Variants in ZNF565 observed in about 807,000 individuals in gnomAD.
ZNF565 encodes zinc finger protein 565.
ZNF565 carries 27 observed loss-of-function variants against 39.4 expected under a neutral mutation model. The observed-to-expected ratio is 0.69, with a 90% CI of 0.51 to 0.95. The LOEUF is 0.95. Among genes scored for constraint, ZNF565 ranks in the 40% least tolerant of loss-of-function variants. The probability of loss-of-function intolerance (pLI) is 0.00; values close to 1 mark genes in which losing one functional copy is unlikely to be tolerated. For missense variants in ZNF565, 524 were observed against 621.1 expected (o/e 0.84, Z 1.66); for synonymous variants, 185 against 216.6 (o/e 0.85, Z 1.28).
chr19:36,218,160 T>G (rs1976692642), upstream of ZNF565: 1 of 150,440 alleles, frequency 6.6e-6, no homozygotes, highest in Admixed American at 6.7e-5. Context: ...CTGTGTTAAC[T>G]CCTTCCTCTG....
Position 36,241,130 on chromosome 19 carries a change from CTG to C in ZNF565, c.55+4344_55+4345del, listed in dbSNP as rs1341261707. ...ATACCAACACAAATCAATTGATACA[CTG>C]TGGGCAACTGATTTTCAACTAGAAT... On this transcript the variant is annotated intron_variant, in intron 1 of 4. Transcript: ENST00000355114. 2.0e-5 allele frequency among the ~76,000 whole-genome samples: 3 copies of C among 152,340 alleles called. No homozygotes were observed. In the East Asian group the frequency reaches 5.8e-4, roughly 29 times the overall value.
chr19:36,210,669 G>C (rs1428551674), intron 1 of ZNF565, among the ~76,000 whole-genome samples: 1 of 150,688 alleles, frequency 6.6e-6, no homozygotes, highest in Non-Finnish European at 1.5e-5. Flanking sequence ...TCATCACCCA[G>C]GCTGGAATGC....
chr19:36,216,388 C>G (rs547633097), upstream of ZNF565, among the ~76,000 whole-genome samples: 114 of 152,154 alleles, frequency 7.5e-4, no homozygotes, highest in African/African-American at 2.2e-3. Context: ...TGCCTGTAAT[C>G]CTAGCACTTT....
chr19:36,236,261 T>G (rs1977640894), intron 1 of ZNF565: 1 of 702,548 alleles, frequency 1.4e-6, no homozygotes, highest in Admixed American at 3.5e-5. Flanking sequence ...TTGAATATAC[T>G]GAGTATGATA....
intron 2 of ZNF565, among the ~76,000 whole-genome samples, chr19:36,199,629 C>T (rs1975884219): frequency 1.3e-5 from 2 of 151,298 alleles, no homozygotes; most frequent in East Asian, 3.9e-4. Flanking sequence ...GTCTGAGCCT[C>T]CTGAGTAGCT....
rs760892809 is a variant in ZNF565 at position 36,201,926 on chromosome 19, A to T, written c.9+51T>A. The T allele has an allele frequency of 4.4e-6, 7 of 1,604,676 alleles. No homozygotes were observed. The South Asian group carries it at 5.5e-5, about 13-fold the overall frequency. On this transcript the variant is annotated intron_variant, in intron 2 of 4. Transcript: ENST00000304116. ...AGGATAAAGAACACAGTGTCCATAT[A>T]ATCTGGCGGGAAGACAGATCATTCT...
chr19:36,227,068 A>C (rs749882805), intron 1 of ZNF565, among the ~76,000 whole-genome samples: 4 of 150,630 alleles, frequency 2.7e-5, no homozygotes, highest in Non-Finnish European at 4.4e-5. Context: ...GGGCAACAAG[A>C]GTAAAACTCC....
At chr19:36,192,279 T>C (rs1214810811) in intron 4 of ZNF565, among the ~76,000 whole-genome samples, 2 of 152,040 alleles carry the variant, frequency 1.3e-5, no homozygotes, top group Non-Finnish European at 1.5e-5. Context: ...TACCAAGTGA[T>C]CAAACTGAAC....
intron 1 of ZNF565, among the ~76,000 whole-genome samples, chr19:36,226,512 C>T (rs77259149): frequency 2.3e-3 from 347 of 152,308 alleles, no homozygotes; most frequent in African/African-American, 7.8e-3. Context: ...TACCCAATTT[C>T]ACCAATCATT....
intron 4 of ZNF565, among the ~76,000 whole-genome samples, chr19:36,184,102 AAC>A (rs1477685618): frequency 4.0e-5 from 6 of 149,666 alleles, no homozygotes; most frequent in African/African-American, 1.5e-4. Context: ...AAAAAAAAAA[AAC>A]TATAGTAGAA....
chr19:36,193,025 T>C (rs2145319072), intron 4 of ZNF565, among the ~76,000 whole-genome samples: 1 of 151,954 alleles, frequency 6.6e-6, no homozygotes, highest in African/African-American at 2.4e-5. Context: ...AGATGGAGTC[T>C]CGCTCTGTCG....
chr19:36,197,576 CATA>C (rs1463388497), intron 2 of ZNF565, among the ~76,000 whole-genome samples: 1 of 152,070 alleles, frequency 6.6e-6, no homozygotes, highest in African/African-American at 2.4e-5. Flanking sequence ...TTATTGGTTG[CATA>C]ATATCGTATG....
At chr19:36,239,148 C>T (rs948018199) in intron 1 of ZNF565, among the ~76,000 whole-genome samples, 1 of 152,072 alleles carries the variant, frequency 6.6e-6, no homozygotes, top group Non-Finnish European at 1.5e-5. Context: ...TCTCTGTCTT[C>T]GTATTTCTAA....
At chr19:36,190,991 CAAAAAAA>C (rs58218863) in intron 4 of ZNF565, among the ~76,000 whole-genome samples, 2 of 79,352 alleles carry the variant, frequency 2.5e-5, no homozygotes, top group African/African-American at 8.4e-5. Context: ...GACTCTGTCT[CAAAAAAA>C]AAAAAAAAAA....
chr19:36,236,340 G>C, intron 1 of ZNF565: 1 of 1,375,228 alleles, frequency 7.3e-7, no homozygotes, highest in Non-Finnish European at 9.8e-7. Flanking sequence ...CCTTATAAAT[G>C]TAAGAGATGT....
At position 36,199,506 on chromosome 19, in the gene ZNF565, C is replaced by CTTTT. The variant is rs1183093969; in HGVS notation, c.9+2467_9+2470dup. 3.1e-5 allele frequency among the ~76,000 whole-genome samples: 4 copies of CTTTT among 128,952 alleles called. 1 individual carries two copies. The highest frequency in any genetic ancestry group is 4.9e-5 in the Non-Finnish European group (3 of 61,090). The allele number at this position is 128,952 out of a possible 152,430, so 84.6% of individuals were successfully genotyped here. On this transcript the variant is annotated intron_variant, in intron 2 of 4. Transcript: ENST00000304116. Reference sequence around the variant, plus strand: ...CTTTTAAATGAATTTCTTTCTTTCTCTTTTTTTTTTTTTTTTTTTGAGACA... The same window carrying CTTTT: ...CTTTTAAATGAATTTCTTTCTTTCTCTTTTTTTTTTTTTTTTTTTTTTTGAGACA...
chr19:36,182,680 AT>A lies in ZNF565; in HGVS notation c.1285del (p.Ile429PhefsTer6). The A allele has an allele frequency of 6.2e-7, 1 of 1,614,222 alleles. No homozygotes were observed. Among genetic ancestry groups the A allele is most frequent in the South Asian group, 1.1e-5 (1 of 91,086 alleles). On this transcript the variant is annotated frameshift_variant, in exon 5 of 5. Coordinates refer to ENST00000304116, the MANE Select transcript of ZNF565 (RefSeq NM_152477.5). LOFTEE classifies it high-confidence loss of function. ...YECKECGKAF[I>X]RVSQLTHHQR... ...ATGATGAGTCAGTTGTGAAACACGAATAAAGGCCTTCCCACATTCCTTACAT... is the reference window on the plus strand; with the variant it reads ...ATGATGAGTCAGTTGTGAAACACGAAAAAGGCCTTCCCACATTCCTTACAT...
Position 36,245,422 on chromosome 19 carries a change from C to A in ZNF565, c.55+54G>T, listed in dbSNP as rs755606858. On this transcript the variant is annotated intron_variant, in intron 1 of 4. Transcript: ENST00000355114. The surrounding 1 kb of genome is among the most constrained non-coding windows in gnomAD (Gnocchi z 4.4). ...GAAAGCTCCGCGCTTACGACGCCCA[C>A]CCAGAAAATCCGGATCACATTTCCC... The A allele has an allele frequency of 1.4e-5, 10 of 701,554 alleles. No homozygotes were observed. The highest frequency in any genetic ancestry group is 2.3e-5 in the Non-Finnish European group (9 of 384,478). The allele number at this position is 701,554 out of a possible 1,614,324, so 43.5% of individuals were successfully genotyped here.
chr19:36,227,346 G>A (rs915173431), intron 1 of ZNF565, among the ~76,000 whole-genome samples: 11 of 148,574 alleles, frequency 7.4e-5, no homozygotes, highest in African/African-American at 2.7e-4. Flanking sequence ...CAGAGATCAC[G>A]TCACTGCACT....
Sources: allele counts gnomAD v4.1 joint callset (sites outside exome capture counted in the v4.1 genomes callset), GRCh38; gene constraint gnomAD v4.1.1; non-coding constraint Gnocchi (gnomAD v3.1); transcripts MANE v1.5; gene names NCBI Gene and HGNC (gene_info 2026-07-23, HGNC 2026-07-21).